DNAJC25: variants seen among roughly 807,000 people sequenced by gnomAD.
DNAJC25 encodes the protein DnaJ heat shock protein family (Hsp40) member C25, also known as dnaJ homolog subfamily C member 25.
DNAJC25 carries 26 observed loss-of-function variants against 42.1 expected under a neutral mutation model. The ratio of observed to expected loss-of-function variants is 0.62; its 90% CI spans 0.45 to 0.86. The LOEUF (loss-of-function observed/expected upper bound fraction) is 0.86, where lower values mean the gene tolerates loss of function less well. DNAJC25 is among the 40% of genes least tolerant of loss of function. The pLI, the probability that DNAJC25 is intolerant of heterozygous loss-of-function variation, is 0.00. For missense variants in DNAJC25, 404 were observed against 459.4 expected, an observed-to-expected ratio of 0.88 and a Z score of 1.10; for synonymous variants, 189 against 179.9, an observed-to-expected ratio of 1.05 and a Z score of -0.40.
At chr9:111,633,158 TC>T (rs1342626038) in intron 1 of DNAJC25, among the ~76,000 whole-genome samples, 1 of 152,160 alleles carries the variant, frequency 6.6e-6, no homozygotes, top group African/African-American at 2.4e-5. Flanking sequence ...CAACCTCTGT[TC>T]CTTGTAGTCA....
At chr9:111,646,307 CAG>C (rs1449557820) in intron 1 of DNAJC25, among the ~76,000 whole-genome samples, 1 of 152,128 alleles carries the variant, frequency 6.6e-6, no homozygotes, top group East Asian at 1.9e-4. Context: ...TGATTAGAAT[CAG>C]AGAATATATT....
At chr9:111,640,893 A>G (rs1589343225) in intron 1 of DNAJC25, among the ~76,000 whole-genome samples, 1 of 79,414 alleles carries the variant, frequency 1.3e-5, no homozygotes, top group South Asian at 4.1e-4. Context: ...GTGGGGGGTC[A>G]GCCCCCCCGC....
chr9:111,645,973 A>G (rs910031815), intron 1 of DNAJC25, among the ~76,000 whole-genome samples: 1 of 152,096 alleles, frequency 6.6e-6, no homozygotes, highest in Non-Finnish European at 1.5e-5. Flanking sequence ...AGGTCTCACT[A>G]TGCTGCCCAG....
At chr9:111,650,445 C>G (rs915040719) in intron 3 of DNAJC25, among the ~76,000 whole-genome samples, 1 of 152,098 alleles carries the variant, frequency 6.6e-6, no homozygotes, top group African/African-American at 2.4e-5. Flanking sequence ...AATCGAATTA[C>G]TGTAATGCCT....
intron 1 of DNAJC25, among the ~76,000 whole-genome samples, chr9:111,632,552 C>T (rs919266954): frequency 9.9e-5 from 15 of 152,142 alleles, no homozygotes; most frequent in Admixed American, 1.3e-4. Context: ...ATGCTGTTTT[C>T]TTCTACTACT....
At position 111,631,439 on chromosome 9, in the gene DNAJC25, G is replaced by C; in HGVS notation, c.32G>C (p.Gly11Ala). Residue 11 changes from glycine (G) to alanine (A), a missense_variant, in exon 1 of 4, where the codon GGA becomes GCA. By Grantham distance (60) the Gly-to-Ala change is moderately conservative. Coordinates refer to ENST00000313525, the MANE Select transcript of DNAJC25 (RefSeq NM_001015882.3). ...GCGCCGCTGCTCTCTCCCGGCTGGGGAGCCGGGGCTGCCGGCCGGCGCTGG... is the reference window on the plus strand; with the variant it reads ...GCGCCGCTGCTCTCTCCCGGCTGGGCAGCCGGGGCTGCCGGCCGGCGCTGG... The part of the protein sequence containing the change: MGAPLLSPGW[G>A]AGAAGRRWWM... 1 of 1,299,806 alleles carries C rather than the reference G, an allele frequency of 7.7e-7. No homozygotes were observed. The highest frequency in any genetic ancestry group is 9.7e-7 in the Non-Finnish European group (1 of 1,029,326). 80.5% of individuals were successfully genotyped at this position (1,299,806 alleles called of 1,614,324 possible).
In DNAJC25 at chr9:111,649,831, A is replaced by G. The variant is rs1830623438; in HGVS notation, c.868A>G (p.Met290Val). ...EERLYIIRKS[M>V]KMSKSQFDSL... ...GAGATTATACATTATACGTAAATCT[A>G]TGAAGATGTCAAAGTCTCAATTTGA... The change falls in exon 3 of 4, where the codon ATG becomes GTG. Residue 290 changes from methionine (M) to valine (V), a missense_variant. By Grantham distance (21) the Met-to-Val change is conservative (BLOSUM62 1). Coordinates refer to ENST00000313525, the MANE Select transcript of DNAJC25 (RefSeq NM_001015882.3). 2 of 1,612,972 alleles carry G rather than the reference A, an allele frequency of 1.2e-6. No individual in the cohort carries two copies. Among genetic ancestry groups the G allele is most frequent in the African/African-American group, 1.3e-5 (1 of 74,952 alleles).
At chr9:111,648,749 A>G (rs974049298) in intron 2 of DNAJC25, among the ~76,000 whole-genome samples, 2 of 152,214 alleles carry the variant, frequency 1.3e-5, no homozygotes, top group South Asian at 4.1e-4. Context: ...ATAGATTGCT[A>G]CTATTGCAGG....
Position 111,631,615 on chromosome 9 carries a change from C to A in DNAJC25, c.208C>A (p.Arg70Ser). Reference sequence around the variant, plus strand: ...CAAGGCGGAGATCGCGCGGGCCTACCGCCAGCTGGCCCGGCGCTACCACCC... The same window carrying A: ...CAAGGCGGAGATCGCGCGGGCCTACAGCCAGCTGGCCCGGCGCTACCACCC... The part of the protein sequence containing the change: ...AGKAEIARAY[R>S]QLARRYHPDR... The change falls in exon 1 of 4, where the codon CGC (arginine) becomes AGC (serine). Residue 70 changes from arginine to serine, a missense_variant. Transcript: ENST00000313525. The A allele has an allele frequency of 1.3e-6, 2 of 1,495,680 alleles. No homozygotes were observed. The highest frequency in any genetic ancestry group is 8.8e-7 in the Non-Finnish European group (1 of 1,130,176). 92.7% of individuals were successfully genotyped at this position (1,495,680 alleles called of 1,614,324 possible).
intron 1 of DNAJC25, among the ~76,000 whole-genome samples, chr9:111,645,649 T>A (rs532822162): frequency 6.6e-6 from 1 of 152,312 alleles, no homozygotes; most frequent in South Asian, 2.1e-4. Context: ...AAAAACTACA[T>A]GTTGGAGGAC....
Position 111,631,501 on chromosome 9 carries a change from C to T in DNAJC25, c.94C>T (p.Leu32=), listed in dbSNP as rs1182838704. The part of the protein sequence containing the change: ...LLAPLLPALL[L]VRPAGALVEG... Reference sequence around the variant, plus strand: ...GGCGCCCCTGCTGCCGGCGCTGCTGCTGGTGCGGCCCGCGGGGGCCCTGGT... The same window carrying T: ...GGCGCCCCTGCTGCCGGCGCTGCTGTTGGTGCGGCCCGCGGGGGCCCTGGT... The change falls in exon 1 of 4, where the codon CTG becomes TTG. Residue 32 remains leucine (L), a synonymous_variant. Coordinates refer to ENST00000313525, the MANE Select transcript of DNAJC25 (RefSeq NM_001015882.3). The T allele has an allele frequency of 6.8e-6, 9 of 1,330,308 alleles. No individual in the cohort carries two copies. Among genetic ancestry groups the T allele is most frequent in the Non-Finnish European group, 7.6e-6 (8 of 1,047,232 alleles). 82.4% of individuals were successfully genotyped at this position (1,330,308 alleles called of 1,614,324 possible).
intron 3 of DNAJC25, among the ~76,000 whole-genome samples, chr9:111,651,962 A>T (rs1201335622): frequency 6.6e-6 from 1 of 152,214 alleles, no homozygotes; most frequent in Non-Finnish European, 1.5e-5. Context: ...TGAAAAATTC[A>T]TAATTAGATG....
intron 1 of DNAJC25, among the ~76,000 whole-genome samples, chr9:111,641,266 G>C (rs1187096402): frequency 3.0e-3 from 373 of 126,400 alleles, no homozygotes; most frequent in East Asian, 6.9e-3. Flanking sequence ...CCCCGTCTGG[G>C]AGGTGAGGGG....
intron 1 of DNAJC25, among the ~76,000 whole-genome samples, chr9:111,641,037 C>CGGGA (rs1830450418): frequency 1.2e-5 from 1 of 86,066 alleles, no homozygotes; most frequent in Non-Finnish European, 2.1e-5. Flanking sequence ...CCGCCCCGTC[C>CGGGA]GGGAGGTGAG....
intron 1 of DNAJC25, among the ~76,000 whole-genome samples, chr9:111,634,071 A>C (rs1195810229): frequency 2.0e-5 from 3 of 152,182 alleles, no homozygotes; most frequent in African/African-American, 7.2e-5. Flanking sequence ...CCACTGTCTT[A>C]CTGTGGAAAT....
At chr9:111,651,940 A>C (rs1692207625) in intron 3 of DNAJC25, among the ~76,000 whole-genome samples, 3 of 152,090 alleles carry the variant, frequency 2.0e-5, no homozygotes, top group Admixed American at 2.0e-4. Flanking sequence ...TGGAAACTTT[A>C]ATTTAAAAAA....
At chr9:111,633,505 T>G (rs949959760) in intron 1 of DNAJC25, among the ~76,000 whole-genome samples, 1 of 152,174 alleles carries the variant, frequency 6.6e-6, no homozygotes, top group Non-Finnish European at 1.5e-5. Flanking sequence ...GTTTATGGAC[T>G]TTGGAAGTTA....
chr9:111,645,797 C>CTT (rs11415636), intron 1 of DNAJC25, among the ~76,000 whole-genome samples: 2 of 149,334 alleles, frequency 1.3e-5, no homozygotes, highest in African/African-American at 4.9e-5. Flanking sequence ...ATAAAAAAAA[C>CTT]TTTTTTTTTT....
Position 111,653,319 on chromosome 9 carries a change from T to TC in DNAJC25, c.*97_*98insC. The TC allele has an allele frequency of 1.5e-6, 2 of 1,304,882 alleles. No homozygotes were observed. Among genetic ancestry groups the TC allele is most frequent in the Non-Finnish European group, 2.0e-6 (2 of 1,007,948 alleles). 80.8% of individuals were successfully genotyped at this position (1,304,882 alleles called of 1,614,324 possible). On this transcript the variant is annotated 3_prime_UTR_variant, in exon 4 of 4. Transcript: ENST00000313525. ...GTATCAATTGACTGCTGCTCAGCAG[T>TC]AACTAAAATTCCTCAAGTATTTGAT...
Sources: allele counts gnomAD v4.1 joint callset (sites outside exome capture counted in the v4.1 genomes callset), GRCh38; gene constraint gnomAD v4.1.1; transcripts MANE v1.5; gene names NCBI Gene and HGNC (gene_info 2026-07-23, HGNC 2026-07-21).